The following ZBTB20 variants were observed in gnomAD, a reference collection of about 807,000 sequenced individuals.
The protein encoded by ZBTB20 is zinc finger and BTB domain containing 20, also known as zinc finger and BTB domain-containing protein 20.
In ZBTB20, 9 loss-of-function variants were observed where a neutral mutation model predicts 56.9. The ratio of observed to expected loss-of-function variants is 0.16; its 90% CI spans 0.10 to 0.28. The LOEUF is 0.28. Ranked by LOEUF, ZBTB20 falls within the 10% of genes least tolerant of loss-of-function variation. ZBTB20 has a pLI of 1.00. For missense variants in ZBTB20, 655 were observed against 1,003.0 expected (o/e 0.65, Z 4.69); for synonymous variants, 417 against 420.7 (o/e 0.99, Z 0.11).
chr3:114,529,604 A>G (rs952199862), intron 6 of ZBTB20, among the ~76,000 whole-genome samples: 5 of 152,266 alleles, frequency 3.3e-5, no homozygotes, highest in African/African-American at 1.2e-4. Flanking sequence ...AATTCAGAAT[A>G]GAACATAGCT....
At chr3:114,437,097 C>T (rs1038349361) in intron 7 of ZBTB20, among the ~76,000 whole-genome samples, 3 of 152,038 alleles carry the variant, frequency 2.0e-5, no homozygotes, top group African/African-American at 7.2e-5. Context: ...AATTCTGGAA[C>T]AGGGGAAGGT....
chr3:114,448,045 A>G (rs1478079691), intron 7 of ZBTB20, among the ~76,000 whole-genome samples: 1 of 152,190 alleles, frequency 6.6e-6, no homozygotes, highest in Admixed American at 6.5e-5. Context: ...CTACAGAAAG[A>G]AAATCTCTAG....
At chr3:114,768,985 C>G (rs1243879155) in intron 5 of ZBTB20, among the ~76,000 whole-genome samples, 1 of 152,166 alleles carries the variant, frequency 6.6e-6, no homozygotes, top group African/African-American at 2.4e-5. Flanking sequence ...AATACACCCT[C>G]AAATGAGTTG....
In ZBTB20 at chr3:115,147,258, C is replaced by T. The variant is rs1296747943; in HGVS notation, c.-742G>A. On this transcript the variant is annotated 5_prime_UTR_variant, in exon 1 of 12. Transcript: ENST00000675478. ...TAATCTTCTTTCCTCAACTCCTAAA[C>T]TTCCCCCCGCCCCTACTTCTTCGGC... 6.6e-6 allele frequency: 1 copy of T among 151,956 alleles called. No individual in the cohort carries two copies. The highest frequency in any genetic ancestry group is 6.6e-5 in the Admixed American group (1 of 15,236). The allele number at this position is 151,956 out of a possible 1,614,324, so 9.4% of individuals were successfully genotyped here. A position where few individuals can be genotyped will look rare whatever the true frequency, so the allele number is the denominator to read the frequency against.
At chr3:114,812,228 C>T (rs942778663) in intron 4 of ZBTB20, among the ~76,000 whole-genome samples, 3 of 152,160 alleles carry the variant, frequency 2.0e-5, no homozygotes, top group Non-Finnish European at 4.4e-5. Flanking sequence ...CCACATCCTG[C>T]TGATTGGTAG....
At chr3:114,532,208 C>T (rs2110038129) in intron 6 of ZBTB20, among the ~76,000 whole-genome samples, 1 of 152,326 alleles carries the variant, frequency 6.6e-6, no homozygotes, top group Admixed American at 6.5e-5. Flanking sequence ...ATCCCACCCC[C>T]ATGGAGCCAA....
chr3:114,715,643 A>C (rs1290561405), intron 5 of ZBTB20, among the ~76,000 whole-genome samples: 1 of 152,186 alleles, frequency 6.6e-6, no homozygotes, highest in Non-Finnish European at 1.5e-5. Flanking sequence ...AGATATAGTA[A>C]TGGTTAATGA....
In ZBTB20 at chr3:114,322,870, G is replaced by A. The variant is rs1301736549; in HGVS notation, c.*16135C>T. On this transcript the variant is annotated 3_prime_UTR_variant, in exon 12 of 12. Coordinates refer to ENST00000675478, the MANE Select transcript of ZBTB20 (RefSeq NM_001348800.3). ...AGTAAAGAAGAGAGAGAAAAAGACA[G>A]GTTATCAATGTTGTAATCTTAGGGA... 1 of 152,178 alleles carries A rather than the reference G, an allele frequency of 6.6e-6. No homozygotes were observed. Among genetic ancestry groups the A allele is most frequent in the Admixed American group, 6.5e-5 (1 of 15,272 alleles). The allele number at this position is 152,178 out of a possible 1,614,324, so 9.4% of individuals were successfully genotyped here.
At chr3:115,116,549 T>A (rs1301870107) in intron 1 of ZBTB20, among the ~76,000 whole-genome samples, 1 of 152,074 alleles carries the variant, frequency 6.6e-6, no homozygotes, top group Non-Finnish European at 1.5e-5. Flanking sequence ...AACTGTTTGA[T>A]AACTACATTA....
At position 114,324,543 on chromosome 3, in the gene ZBTB20, C is replaced by T; in HGVS notation, c.*14462G>A. ...ATAAATACAGATATACATACACATACACAGAAATTCTCAAGGCCCCTCTCA... is the reference window on the plus strand; with the variant it reads ...ATAAATACAGATATACATACACATATACAGAAATTCTCAAGGCCCCTCTCA... On this transcript the variant is annotated 3_prime_UTR_variant, in exon 12 of 12. Coordinates refer to ENST00000675478, the MANE Select transcript of ZBTB20 (RefSeq NM_001348800.3). The T allele has an allele frequency of 6.6e-6, 1 of 151,760 alleles. No homozygotes were observed. Among genetic ancestry groups the T allele is most frequent in the East Asian group, 1.9e-4 (1 of 5,174 alleles). 9.4% of individuals were successfully genotyped at this position (151,760 alleles called of 1,614,324 possible). A position where few individuals can be genotyped will look rare whatever the true frequency, so the allele number is the denominator to read the frequency against.
At chr3:115,120,714 A>AAACT (rs1262948008) in intron 1 of ZBTB20, among the ~76,000 whole-genome samples, 1 of 152,130 alleles carries the variant, frequency 6.6e-6, no homozygotes, top group Non-Finnish European at 1.5e-5. Flanking sequence ...CAAAGTCACC[A>AAACT]AACTAGTTCA....
intron 4 of ZBTB20, among the ~76,000 whole-genome samples, chr3:114,868,770 T>C (rs2075872457): frequency 6.6e-6 from 1 of 152,198 alleles, no homozygotes; most frequent in South Asian, 2.1e-4. Context: ...CTTCCAAGTA[T>C]TTTTTGTTCA....
intron 4 of ZBTB20, among the ~76,000 whole-genome samples, chr3:114,844,687 G>A (rs2074599270): frequency 6.6e-6 from 1 of 151,114 alleles, no homozygotes; most frequent in African/African-American, 2.4e-5. Context: ...AGCAACTTAT[G>A]AGGCTTCCAG....
At chr3:114,441,126 G>A (rs188847292) in intron 7 of ZBTB20, among the ~76,000 whole-genome samples, 24 of 152,158 alleles carry the variant, frequency 1.6e-4, no homozygotes, top group African/African-American at 5.8e-4. Context: ...TCTGGTTACT[G>A]TTTCTCAATG....
At chr3:114,464,713 T>C (rs955679455) in intron 7 of ZBTB20, among the ~76,000 whole-genome samples, 2 of 152,140 alleles carry the variant, frequency 1.3e-5, no homozygotes, top group African/African-American at 4.8e-5. Context: ...AGTCAGAGAA[T>C]GTAGTGGATA....
chr3:115,079,912 G>A (rs930644892), intron 1 of ZBTB20, among the ~76,000 whole-genome samples: 1 of 152,102 alleles, frequency 6.6e-6, no homozygotes, highest in African/African-American at 2.4e-5. Context: ...ATGTGCTGGG[G>A]AAAATATTAG....
chr3:114,700,535 G>A (rs933325755), intron 5 of ZBTB20, among the ~76,000 whole-genome samples: 13 of 152,068 alleles, frequency 8.5e-5, no homozygotes, highest in African/African-American at 3.1e-4. Flanking sequence ...ATGATCTCCA[G>A]ACCACTCATT....
intron 6 of ZBTB20, among the ~76,000 whole-genome samples, chr3:114,572,266 A>G (rs1290944058): frequency 1.3e-5 from 2 of 152,212 alleles, no homozygotes; most frequent in Non-Finnish European, 2.9e-5. Flanking sequence ...TAACTTGGTG[A>G]TATCATTATT....
chr3:114,786,459 C>T (rs1037568268), intron 5 of ZBTB20, among the ~76,000 whole-genome samples: 3 of 151,540 alleles, frequency 2.0e-5, no homozygotes, highest in Admixed American at 2.0e-4. Flanking sequence ...TAAAAAGATT[C>T]CACATAAAAG....
Sources: allele counts gnomAD v4.1 joint callset (sites outside exome capture counted in the v4.1 genomes callset), GRCh38; gene constraint gnomAD v4.1.1; transcripts MANE v1.5; gene names NCBI Gene and HGNC (gene_info 2026-07-23, HGNC 2026-07-21).